SMOC1: variants seen among roughly 807,000 people sequenced by gnomAD.
SMOC1 encodes SPARC-related modular calcium-binding protein 1.
Under a neutral mutation model 56.3 loss-of-function variants are expected in SMOC1, and 22 were observed. The observed-to-expected ratio is 0.39, with a 90% confidence interval of 0.28 to 0.56. The LOEUF is 0.56. Among genes scored for constraint, SMOC1 ranks in the 20% least tolerant of loss-of-function variants. The probability of loss-of-function intolerance (pLI) is 0.61; values close to 1 mark genes in which losing one functional copy is unlikely to be tolerated. For synonymous variants in SMOC1, 193 were observed against 215.0 expected (o/e 0.90, Z 0.89); for missense variants, 509 against 565.4 (o/e 0.90, Z 1.01).
At chr14:69,922,308 G>T (rs1230296299) in intron 1 of SMOC1, among the ~76,000 whole-genome samples, 2 of 152,200 alleles carry the variant, frequency 1.3e-5, no homozygotes, top group Non-Finnish European at 2.9e-5. Context: ...TGGTGATGTT[G>T]TTATCTGCTT....
intron 1 of SMOC1, among the ~76,000 whole-genome samples, chr14:69,915,590 C>G (rs1454015169): frequency 2.0e-5 from 3 of 152,184 alleles, no homozygotes; most frequent in African/African-American, 7.2e-5. Context: ...TACATGCTTT[C>G]CCTGATCCCT....
chr14:70,004,669 C>T (rs945950153), intron 7 of SMOC1, among the ~76,000 whole-genome samples: 5 of 152,190 alleles, frequency 3.3e-5, no homozygotes, highest in Non-Finnish European at 5.9e-5. Flanking sequence ...AATTACATAG[C>T]CAATTCCTTA....
chr14:70,025,045 A>C (rs944859829), intron 11 of SMOC1, among the ~76,000 whole-genome samples: 3 of 152,126 alleles, frequency 2.0e-5, no homozygotes, highest in Non-Finnish European at 4.4e-5. Context: ...GTTCAGCTGG[A>C]GGCATGGCTG....
intron 7 of SMOC1, among the ~76,000 whole-genome samples, chr14:70,006,149 T>TG (rs1885140714): frequency 6.6e-6 from 1 of 152,154 alleles, no homozygotes. Flanking sequence ...GCCCCATGGG[T>TG]GGTCTGGCTT....
chr14:69,906,484 C>T (rs942102156), intron 1 of SMOC1, among the ~76,000 whole-genome samples: 1 of 152,168 alleles, frequency 6.6e-6, no homozygotes, highest in Non-Finnish European at 1.5e-5. Context: ...GATTCCTGCC[C>T]CCAGCCGTAA....
chr14:69,916,146 C>T (rs1884680780), intron 1 of SMOC1, among the ~76,000 whole-genome samples: 2 of 152,196 alleles, frequency 1.3e-5, no homozygotes, highest in African/African-American at 2.4e-5. Flanking sequence ...AACCCATTTA[C>T]CCATTCCTCA....
intron 1 of SMOC1, among the ~76,000 whole-genome samples, chr14:69,899,979 G>T (rs1189543583): frequency 2.6e-5 from 4 of 152,184 alleles, no homozygotes; most frequent in Non-Finnish European, 5.9e-5. Flanking sequence ...TTTTCAGTTT[G>T]TTCAGCTTTT....
At chr14:69,879,798 G>T in intron 1 of SMOC1, 21 bp downstream of exon 1, 1 of 1,568,234 alleles carries the variant, frequency 6.4e-7, no homozygotes, top group Non-Finnish European at 8.6e-7. Context: ...CCCCAGCTTT[G>T]CGCCCACCTG....
chr14:69,998,850 C>T (rs955316282), intron 7 of SMOC1, among the ~76,000 whole-genome samples: 3 of 152,076 alleles, frequency 2.0e-5, no homozygotes, highest in African/African-American at 7.2e-5. Context: ...TTTCCTTTGT[C>T]CCTGTTTTTT....
At chr14:69,909,125 A>G (rs1037043942) in intron 1 of SMOC1, among the ~76,000 whole-genome samples, 2 of 152,158 alleles carry the variant, frequency 1.3e-5, no homozygotes, top group Admixed American at 6.5e-5. Flanking sequence ...GAAAGAACTC[A>G]GAAGACAGGG....
rs771581643 is a variant in SMOC1, at chr14:70,011,542, C to A, written c.915C>A (p.Asp305Glu). 1.2e-6 allele frequency: 2 copies of A among 1,612,566 alleles called. No homozygotes were observed. The highest frequency in any genetic ancestry group is 1.7e-6 in the Non-Finnish European group (2 of 1,179,280). ...GGGCCAAGACTACAGAGGCGGATGA[C>A]CCCTTCAAGGACAGGGAGCTACCAG... Reference protein sequence around the residue: ...DARAKTTEADDPFKDRELPGC... With the variant: ...DARAKTTEADEPFKDRELPGC... The change falls in exon 9 of 12, where the codon GAC becomes GAA. Residue 305 changes from aspartate to glutamate, a missense_variant. Physicochemically the swap from Asp to Glu is conservative, Grantham distance 45. Transcript: ENST00000361956.
intron 10 of SMOC1, among the ~76,000 whole-genome samples, chr14:70,020,652 G>C (rs999040221): frequency 5.3e-5 from 8 of 152,178 alleles, no homozygotes; most frequent in African/African-American, 1.9e-4. Context: ...TGGGAGCCAG[G>C]CAGGGTGGGG....
At chr14:69,994,157 C>A (rs1313799752) in intron 6 of SMOC1, 14 of 574,790 alleles carry the variant, frequency 2.4e-5, no homozygotes, top group Non-Finnish European at 4.4e-5. Flanking sequence ...GTGCTCAGTG[C>A]CTCTGCATTC....
intron 1 of SMOC1, among the ~76,000 whole-genome samples, chr14:69,909,575 T>C (rs1884501648): frequency 6.6e-6 from 1 of 152,220 alleles, no homozygotes; most frequent in Non-Finnish European, 1.5e-5. Flanking sequence ...CAAGGATTTA[T>C]GTAAAAGCTT....
At chr14:69,915,571 A>G in intron 1 of SMOC1, among the ~76,000 whole-genome samples, 1 of 152,130 alleles carries the variant, frequency 6.6e-6, no homozygotes. Context: ...AACTCCCTAT[A>G]ATGGTCTATA....
At chr14:69,964,232 T>G (rs1883485072) in intron 3 of SMOC1, among the ~76,000 whole-genome samples, 1 of 148,206 alleles carries the variant, frequency 6.7e-6, no homozygotes, top group South Asian at 2.3e-4. Flanking sequence ...GAGTGAGCTC[T>G]GGGCGGTATC....
At chr14:69,931,716 A>G (rs1222835307) in intron 1 of SMOC1, among the ~76,000 whole-genome samples, 2 of 152,220 alleles carry the variant, frequency 1.3e-5, no homozygotes, top group Non-Finnish European at 2.9e-5. Context: ...GAAAAATAAG[A>G]GAAGATTCTC....
At chr14:69,903,445 G>A (rs902723610) in intron 1 of SMOC1, among the ~76,000 whole-genome samples, 32 of 152,168 alleles carry the variant, frequency 2.1e-4, no homozygotes, top group Admixed American at 1.8e-3. Context: ...TGACGATGGC[G>A]GTTTTGTCGA....
rs1056664800 is a variant in SMOC1 at position 69,885,303 on chromosome 14, A to G, written c.99+5526A>G. The G allele has an allele frequency of 2.1e-4, 220 of 1,056,208 alleles. 1 individual carries two copies. The highest frequency in any genetic ancestry group is 3.3e-5 in the Non-Finnish European group (25 of 748,104). 65.4% of individuals were successfully genotyped at this position (1,056,208 alleles called of 1,614,324 possible). On this transcript the variant is annotated intron_variant, in intron 1 of 11. Transcript: ENST00000361956. Reference sequence around the variant, plus strand: ...TTTTAAGGAAAATTTGTATTATTTTAATTATTTTTATGTACAGAAAACTCA... The same window carrying G: ...TTTTAAGGAAAATTTGTATTATTTTGATTATTTTTATGTACAGAAAACTCA...
Sources: allele counts gnomAD v4.1 joint callset (sites outside exome capture counted in the v4.1 genomes callset), GRCh38; gene constraint gnomAD v4.1.1; transcripts MANE v1.5; gene names NCBI Gene and HGNC (gene_info 2026-07-23, HGNC 2026-07-21).